TULP4: variants seen among roughly 807,000 people sequenced by gnomAD.
TULP4 encodes tubby-related protein 4.
In TULP4, 16 loss-of-function variants were observed where a neutral mutation model predicts 129.0. The observed-to-expected ratio is 0.12, with a 90% CI of 0.08 to 0.19. The LOEUF (loss-of-function observed/expected upper bound fraction) is 0.19. TULP4 is among the 10% of genes least tolerant of loss of function. TULP4 has a pLI of 1.00. For synonymous variants in TULP4, 998 were observed against 854.0 expected (o/e 1.17, Z -2.94); for missense variants, 1,842 against 2,059.1 (o/e 0.89, Z 2.04).
intron 1 of TULP4, among the ~76,000 whole-genome samples, chr6:158,404,240 G>A (rs571983031): frequency 1.3e-5 from 2 of 152,208 alleles, no homozygotes; most frequent in African/African-American, 4.8e-5. Context: ...CATCTCCTGT[G>A]GTGTTAAAAG....
intron 1 of TULP4, among the ~76,000 whole-genome samples, chr6:158,259,164 A>G (rs992869116): frequency 2.0e-5 from 3 of 152,220 alleles, no homozygotes; most frequent in Non-Finnish European, 2.9e-5. Flanking sequence ...CGGGAGGTAG[A>G]GGTTGCAGTG....
rs115822675 is a variant in TULP4 at position 158,410,947 on chromosome 6, C to T, written c.253-2118C>T. Reference sequence around the variant, plus strand: ...CCAGGGAGACAAGATGTCCTAATCGCGGTCCTTGGCACCTAACAATGTCTG... The same window carrying T: ...CCAGGGAGACAAGATGTCCTAATCGTGGTCCTTGGCACCTAACAATGTCTG... On this transcript the variant is annotated intron_variant, in intron 1 of 13. Coordinates refer to ENST00000367097, the MANE Select transcript of TULP4 (RefSeq NM_020245.5). 1.8e-3 allele frequency among the ~76,000 whole-genome samples: 268 copies of T among 152,038 alleles called. 2 individuals carry two copies. Among genetic ancestry groups the T allele is most frequent in the African/African-American group, 6.1e-3 (251 of 41,484 alleles).
At chr6:158,331,911 C>G (rs1411123166) in intron 1 of TULP4, among the ~76,000 whole-genome samples, 5 of 148,838 alleles carry the variant, frequency 3.4e-5, no homozygotes, top group Admixed American at 2.0e-4. Flanking sequence ...GTGGCTCACG[C>G]CTGTAATCCC....
intron 1 of TULP4, among the ~76,000 whole-genome samples, chr6:158,254,659 C>T (rs970850286): frequency 6.6e-6 from 1 of 152,236 alleles, no homozygotes; most frequent in African/African-American, 2.4e-5. Context: ...AGCCACCTTG[C>T]ACAATATGTC....
chr6:158,292,014 T>A (rs1361376367), intron 1 of TULP4, among the ~76,000 whole-genome samples: 1 of 152,248 alleles, frequency 6.6e-6, no homozygotes, highest in Non-Finnish European at 1.5e-5. Flanking sequence ...ACTTATTTTG[T>A]GTGTTTAGTA....
intron 1 of TULP4, among the ~76,000 whole-genome samples, chr6:158,408,777 C>T (rs953866720): frequency 2.6e-5 from 4 of 152,250 alleles, no homozygotes; most frequent in Non-Finnish European, 4.4e-5. Flanking sequence ...TTCTTCCAGC[C>T]TCCTTTTCAG....
chr6:158,438,272 A>G (rs772199017), intron 3 of TULP4, among the ~76,000 whole-genome samples: 3 of 152,108 alleles, frequency 2.0e-5, no homozygotes, highest in Non-Finnish European at 2.9e-5. Flanking sequence ...ATATCATTTC[A>G]CCAGTACATA....
intron 1 of TULP4, among the ~76,000 whole-genome samples, chr6:158,248,493 C>T (rs567273520): frequency 7.4e-4 from 112 of 152,212 alleles, no homozygotes; most frequent in African/African-American, 2.7e-3. Context: ...ATGATCTCGA[C>T]CTCCTGACCT....
chr6:158,444,865 G>A (rs1454024784), intron 3 of TULP4, among the ~76,000 whole-genome samples: 5 of 152,188 alleles, frequency 3.3e-5, no homozygotes, highest in African/African-American at 4.8e-5. Context: ...AGGGTGGAGT[G>A]CATTGGAGCA....
intron 1 of TULP4, among the ~76,000 whole-genome samples, chr6:158,354,992 G>A (rs1419086832): frequency 2.0e-5 from 3 of 152,062 alleles, no homozygotes; most frequent in South Asian, 2.1e-4. Context: ...AGTTGTGTAC[G>A]TGGTGTGAGA....
chr6:158,491,450 C>T (rs781441028), intron 9 of TULP4, among the ~76,000 whole-genome samples: 1 of 29,654 alleles, frequency 3.4e-5, no homozygotes, highest in Non-Finnish European at 5.5e-5. Context: ...TCTTTTCTTT[C>T]TTTCTTTTCT....
chr6:158,286,901 T>G (rs1361358495), intron 1 of TULP4, among the ~76,000 whole-genome samples: 1 of 152,210 alleles, frequency 6.6e-6, no homozygotes, highest in Non-Finnish European at 1.5e-5. Flanking sequence ...ATTTCCCACT[T>G]GAGTTCATCT....
intron 3 of TULP4, among the ~76,000 whole-genome samples, chr6:158,442,257 T>C (rs1325172957): frequency 1.3e-5 from 2 of 152,168 alleles, no homozygotes; most frequent in Non-Finnish European, 2.9e-5. Flanking sequence ...TCAGTAGCCA[T>C]GGGAAGAAAT....
intron 1 of TULP4, among the ~76,000 whole-genome samples, chr6:158,347,196 A>G (rs950209663): frequency 2.0e-5 from 3 of 152,232 alleles, no homozygotes; most frequent in African/African-American, 7.2e-5. Flanking sequence ...TCTTAAGCAT[A>G]GTTTTTTAGT....
At chr6:158,262,193 C>T (rs955406418) in intron 1 of TULP4, among the ~76,000 whole-genome samples, 10 of 152,138 alleles carry the variant, frequency 6.6e-5, no homozygotes, top group African/African-American at 1.2e-4. Flanking sequence ...ACATCGTGTC[C>T]CTGAAGGCAC....
chr6:158,271,388 G>T (rs1055691940), intron 1 of TULP4, among the ~76,000 whole-genome samples: 1 of 151,914 alleles, frequency 6.6e-6, no homozygotes, highest in Admixed American at 6.6e-5. Flanking sequence ...ACTCTCACAG[G>T]CTTTGTCTCT....
intron 6 of TULP4, among the ~76,000 whole-genome samples, chr6:158,465,018 T>TTTGGTATC (rs1779524320): frequency 6.6e-6 from 1 of 152,226 alleles, no homozygotes; most frequent in Admixed American, 6.5e-5. Context: ...CACGTTGGAA[T>TTTGGTATC]TTGGTATCTT....
intron 12 of TULP4, among the ~76,000 whole-genome samples, chr6:158,500,502 A>T (rs1270652474): frequency 6.6e-6 from 1 of 152,232 alleles, no homozygotes; most frequent in East Asian, 1.9e-4. Flanking sequence ...GCCACACGGT[A>T]CTTACACCAT....
intron 1 of TULP4, among the ~76,000 whole-genome samples, chr6:158,412,595 T>A (rs1267398166): frequency 6.6e-6 from 1 of 152,192 alleles, no homozygotes; most frequent in Non-Finnish European, 1.5e-5. Flanking sequence ...ATGATTTAGA[T>A]GCTAAACTAT....
Sources: gnomAD v4.1 joint callset for allele counts (sites outside exome capture counted in the v4.1 genomes callset) on GRCh38, gnomAD v4.1.1 for gene constraint, MANE v1.5 for transcripts, NCBI Gene and HGNC (gene_info 2026-07-23, HGNC 2026-07-21) for gene names.